The following TRPM2 variants were observed in gnomAD, a reference collection of about 807,000 sequenced individuals.
The protein encoded by TRPM2 is estrogen-responsive element-associated gene 1 protein.
TRPM2 carries 161 observed loss-of-function variants against 174.0 expected under a neutral mutation model. The observed-to-expected ratio is 0.93, with a 90% CI of 0.81 to 1.05. TRPM2 has a LOEUF of 1.05. Ranked by LOEUF, TRPM2 falls within the 50% of genes least tolerant of loss-of-function variation. The pLI is 0.00. For missense variants in TRPM2, 2,057 were observed against 2,038.0 expected, an observed-to-expected ratio of 1.01 and a Z score of -0.18; for synonymous variants, 954 against 861.3, an observed-to-expected ratio of 1.11 and a Z score of -1.88.
intron 16 of TRPM2, among the ~76,000 whole-genome samples, chr21:44,403,529 T>TGC (rs1001027790): frequency 3.4e-5 from 5 of 146,542 alleles, no homozygotes; most frequent in Non-Finnish European, 6.0e-5. Flanking sequence ...TGCACACAAA[T>TGC]GCACACACAC....
In TRPM2 at chr21:44,418,480, A is replaced by G; in HGVS notation, c.3386A>G (p.Lys1129Arg). Residue 1129 changes from lysine to arginine, a missense_variant, in exon 22 of 32, where the codon AAG becomes AGG. Lys to Arg is a conservative substitution (Grantham distance 26). Transcript: ENST00000397928. ...AALLSWEIYL[K>R]ENYLQNRQFQ... is the part of the protein sequence containing the mutation. ...CTGCTATCCTGGGAGATCTACCTGA[A>G]GGAGAACTACCTCCAGAACCGACAG... The G allele has an allele frequency of 6.2e-7, 1 of 1,614,098 alleles. No individual in the cohort carries two copies. The highest frequency in any genetic ancestry group is 8.5e-7 in the Non-Finnish European group (1 of 1,180,004).
At position 44,424,898 on chromosome 21, in the gene TRPM2, G is replaced by C. The variant is rs773645469; in HGVS notation, c.3596G>C (p.Arg1199Pro). 1 of 1,608,322 alleles carries C rather than the reference G, an allele frequency of 6.2e-7. No homozygotes were observed. The highest frequency in any genetic ancestry group is 8.5e-7 in the Non-Finnish European group (1 of 1,178,572). ...CTGCACTGGATCGTGAGGACGCTGCGGGCCAGCGGCTTCAGCTCGGAGGCG... is the reference window on the plus strand; with the variant it reads ...CTGCACTGGATCGTGAGGACGCTGCCGGCCAGCGGCTTCAGCTCGGAGGCG... ...QALHWIVRTLRASGFSSEADV... is the reference protein window; with the variant it reads ...QALHWIVRTLPASGFSSEADV... Residue 1199 changes from arginine to proline, a missense_variant, in exon 24 of 32, where the codon CGG (arginine) becomes CCG (proline). Physicochemically the swap from Arg to Pro is moderately radical, Grantham distance 103. Transcript: ENST00000397928.
intron 25 of TRPM2, among the ~76,000 whole-genome samples, 161 bp from the exon 26 acceptor site, chr21:44,426,499 C>T (rs963624251): frequency 6.6e-6 from 1 of 152,188 alleles, no homozygotes; most frequent in African/African-American, 2.4e-5. Flanking sequence ...GCCCCCAGCT[C>T]TGCCTGGCAC....
rs1569076161 is a variant in TRPM2 at position 44,405,997 on chromosome 21, G to A, written c.2750G>A (p.Ser917Asn). The A allele has an allele frequency of 6.2e-7, 1 of 1,608,590 alleles. No individual in the cohort carries two copies. Among genetic ancestry groups the A allele is most frequent in the Admixed American group, 1.7e-5 (1 of 59,986 alleles). Residue 917 changes from serine to asparagine, a missense_variant, in exon 18 of 32, where the codon AGT becomes AAT. Physicochemically the swap from Ser to Asn is conservative, Grantham distance 46. Transcript: ENST00000397928. ...CLRLMHIFTI[S>N]KTLGPKIIIV... Reference sequence around the variant, plus strand: ...CGGCTCATGCACATTTTTACCATCAGTAAGACGCTGGGGCCCAAGATCATC... The same window carrying A: ...CGGCTCATGCACATTTTTACCATCAATAAGACGCTGGGGCCCAAGATCATC...
At chr21:44,426,757 G>A (rs375923790) in intron 26 of TRPM2, 21 bp downstream of exon 26, 201 of 1,612,832 alleles carry the variant, frequency 1.2e-4, no homozygotes, top group South Asian at 2.0e-4. Flanking sequence ...GCCGCTGTCC[G>A]TGCTCCCAGC....
At chr21:44,405,844 C>A in intron 17 of TRPM2, 61 bp from the exon 18 acceptor site, 1 of 1,566,976 alleles carries the variant, frequency 6.4e-7, no homozygotes, top group Non-Finnish European at 8.6e-7. Flanking sequence ...CGACGGGGGA[C>A]AGCTCTGGGG....
At chr21:44,410,054 CGCGCTGTCTTGGTG>C (rs2050047924) in intron 19 of TRPM2, among the ~76,000 whole-genome samples, 2 of 150,058 alleles carry the variant, frequency 1.3e-5, no homozygotes, top group African/African-American at 2.5e-5. Flanking sequence ...AAGTTTTGAT[CGCGCTGTCTTGGTG>C]AGCGTAGCCT....
chr21:44,417,741 C>T (rs1210105690), intron 20 of TRPM2, among the ~76,000 whole-genome samples, 186 bp from the exon 21 acceptor site: 2 of 142,560 alleles, frequency 1.4e-5, no homozygotes, highest in Non-Finnish European at 3.0e-5. Flanking sequence ...GGCACGTGGG[C>T]GTGGCTCTGC....
intron 1 of TRPM2, 36 bp downstream of exon 1, chr21:44,353,901 T>C (rs775869333): frequency 1.3e-6 from 2 of 1,585,344 alleles, no homozygotes; most frequent in Non-Finnish European, 8.6e-7. Context: ...AGTTGGCACG[T>C]GGCCACGGAG....
chr21:44,407,234 C>T (rs969512810), intron 19 of TRPM2, among the ~76,000 whole-genome samples: 1 of 141,456 alleles, frequency 7.1e-6, no homozygotes, highest in African/African-American at 2.7e-5. Context: ...CTCAAGTCCT[C>T]CTCCCACCCG....
Position 44,441,803 on chromosome 21 carries a change from G to A in TRPM2, c.4498G>A (p.Gly1500Arg), listed in dbSNP as rs966021909. 6 of 1,608,984 alleles carry A rather than the reference G, an allele frequency of 3.7e-6. No individual in the cohort carries two copies. Among genetic ancestry groups the A allele is most frequent in the Non-Finnish European group, 4.2e-6 (5 of 1,177,656 alleles). ...TLLQKAAAEF[G>R]AHY Reference sequence around the variant, plus strand: ...CCTCCAGAAGGCAGCCGCTGAGTTCGGGGCTCACTACTGACTGTGCCCTCA... The same window carrying A: ...CCTCCAGAAGGCAGCCGCTGAGTTCAGGGCTCACTACTGACTGTGCCCTCA... Residue 1500 changes from glycine to arginine, a missense_variant, in exon 32 of 32, where the codon GGG (glycine) becomes AGG (arginine). Coordinates refer to ENST00000397928, the MANE Select transcript of TRPM2 (RefSeq NM_003307.4).
At chr21:44,352,088 C>A (rs1409591133), upstream of TRPM2, among the ~76,000 whole-genome samples, 3 of 152,250 alleles carry the variant, frequency 2.0e-5, no homozygotes, top group African/African-American at 7.2e-5. Context: ...ACTGCGATCT[C>A]TCTAGAGCCT....
At chr21:44,428,976 C>G (rs1416186099) in intron 27 of TRPM2, among the ~76,000 whole-genome samples, 1 of 152,222 alleles carries the variant, frequency 6.6e-6, no homozygotes, top group Non-Finnish European at 1.5e-5. Context: ...TTTAAACCTG[C>G]CTTTTCTAGT....
chr21:44,362,340 TAAAAATACAAA>T (rs894373211), intron 2 of TRPM2, among the ~76,000 whole-genome samples: 2 of 56,814 alleles, frequency 3.5e-5, no homozygotes, highest in Non-Finnish European at 6.3e-5. Flanking sequence ...CCGTCTCTAC[TAAAAATACAAA>T]AAAAAAAAAA....
At chr21:44,403,030 C>T (rs560422481) in intron 16 of TRPM2, among the ~76,000 whole-genome samples, 2 of 152,140 alleles carry the variant, frequency 1.3e-5, no homozygotes, top group African/African-American at 2.4e-5. Flanking sequence ...CAGGACTTGG[C>T]GGGGCCTGGG....
intron 19 of TRPM2, among the ~76,000 whole-genome samples, chr21:44,410,869 A>G (rs1260676320): frequency 1.3e-5 from 1 of 77,496 alleles, no homozygotes; most frequent in African/African-American, 4.3e-5. Context: ...TGTCTTGGTG[A>G]GCGTAGTCTT....
intron 27 of TRPM2, among the ~76,000 whole-genome samples, chr21:44,429,646 G>T (rs1327134052): frequency 2.0e-5 from 3 of 151,744 alleles, no homozygotes; most frequent in Non-Finnish European, 2.9e-5. Context: ...TATTAATTTT[G>T]TTTGCTGACT....
At chr21:44,364,707 G>C (rs575775872) in intron 3 of TRPM2, among the ~76,000 whole-genome samples, 1 of 152,194 alleles carries the variant, frequency 6.6e-6, no homozygotes, top group South Asian at 2.1e-4. Context: ...AAGGGGCCCA[G>C]GATAGCAGGG....
rs138978037 is a variant in TRPM2, at chr21:44,367,366, C to T, written c.604+432C>T. On this transcript the variant is annotated intron_variant, in intron 4 of 31. Transcript: ENST00000397928. The surrounding 1 kb of genome is among the most constrained non-coding windows in gnomAD (Gnocchi z 4.6). Reference sequence around the variant, plus strand: ...TTTGTAGGGGGTCAGCGAGAGTTCCCAGTCATCAAGCTTTCCATTATCGTG... The same window carrying T: ...TTTGTAGGGGGTCAGCGAGAGTTCCTAGTCATCAAGCTTTCCATTATCGTG... Among the ~76,000 whole-genome samples, 367 of 152,328 alleles carry T rather than the reference C, an allele frequency of 2.4e-3. 2 individuals are homozygous for T. The highest frequency in any genetic ancestry group is 8.5e-3 in the African/African-American group (355 of 41,560).
Sources: allele counts gnomAD v4.1 joint callset (sites outside exome capture counted in the v4.1 genomes callset), GRCh38; gene constraint gnomAD v4.1.1; non-coding constraint Gnocchi (gnomAD v3.1); transcripts MANE v1.5; gene names NCBI Gene and HGNC (gene_info 2026-07-23, HGNC 2026-07-21).